Variants in CACNA1C observed in about 807,000 individuals in gnomAD.
CACNA1C encodes the protein voltage-dependent L-type calcium channel subunit alpha-1C.
In CACNA1C, 30 loss-of-function variants were observed where a neutral mutation model predicts 229.0. The ratio of observed to expected loss-of-function variants is 0.13; its 90% confidence interval spans 0.10 to 0.18. The LOEUF is 0.18. Among genes scored for constraint, CACNA1C ranks in the 10% least tolerant of loss-of-function variants. The pLI, the probability that CACNA1C is intolerant of heterozygous loss-of-function variation, is 1.00. For synonymous variants in CACNA1C, 1,114 were observed against 1,132.5 expected, an observed-to-expected ratio of 0.98 and a Z score of 0.33; for missense variants, 1,658 against 2,845.0, an observed-to-expected ratio of 0.58 and a Z score of 9.49.
At chr12:2,206,066 G>A (rs1275735501) in intron 3 of CACNA1C, among the ~76,000 whole-genome samples, 4 of 152,162 alleles carry the variant, frequency 2.6e-5, no homozygotes, top group African/African-American at 9.7e-5. Flanking sequence ...TACATGGACT[G>A]TGCAGTGGGA....
chr12:2,223,444 T>C (rs959535546), intron 3 of CACNA1C: 2 of 152,134 alleles, frequency 1.3e-5, no homozygotes, highest in African/African-American at 4.8e-5. Flanking sequence ...TGCCTTCTGA[T>C]CCTAAGAAGA....
Position 2,689,458 on chromosome 12 carries a change from C to T in CACNA1C, c.6117+679C>T, listed in dbSNP as rs140216424. 2.7e-3 allele frequency among the ~76,000 whole-genome samples: 413 copies of T among 152,076 alleles called. 3 individuals carry two copies. The highest frequency in any genetic ancestry group is 9.6e-3 in the African/African-American group (399 of 41,464). On this transcript the variant is annotated intron_variant, in intron 46 of 46. Coordinates refer to ENST00000399655, the MANE Select transcript of CACNA1C (RefSeq NM_000719.7). The surrounding 1 kb of genome is among the most constrained non-coding windows in gnomAD (Gnocchi z 4.2). ...TGCGATACACCTCTCACACCTGCAACGGGTGGGATGGGGAAAGGGTGGCAG... is the reference window on the plus strand; with the variant it reads ...TGCGATACACCTCTCACACCTGCAATGGGTGGGATGGGGAAAGGGTGGCAG...
rs1360626265 is a variant in CACNA1C, at chr12:2,285,032, G to A, written c.478-163944G>A. On this transcript the variant is annotated intron_variant, in intron 3 of 46. Transcript: ENST00000399655. The surrounding 1 kb of genome is among the most constrained non-coding windows in gnomAD (Gnocchi z 4.2). The stretch of plus-strand genomic sequence containing the variant: ...GGGGTAGGGCCGTTCTGCAGATCCT[G>A]GGTTGGCTTCCAGTGGTGCCTGGCA... Among the ~76,000 whole-genome samples the A allele has an allele frequency of 6.6e-6, 1 of 152,170 alleles. No individual in the cohort carries two copies. The highest frequency in any genetic ancestry group is 1.5e-5 in the Non-Finnish European group (1 of 68,016).
intron 29 of CACNA1C, chr12:2,614,801 G>A (rs1314839286): frequency 6.6e-6 from 1 of 152,286 alleles, no homozygotes; most frequent in East Asian, 1.9e-4. Context: ...TGGTCCATCA[G>A]CCGGTCAACT....
chr12:2,035,028 G>C (rs987234762), intron 1 of CACNA1C, among the ~76,000 whole-genome samples: 3 of 152,230 alleles, frequency 2.0e-5, no homozygotes, highest in Non-Finnish European at 4.4e-5. Context: ...CGCCGGTTCA[G>C]AGCCGCAACC....
intron 9 of CACNA1C, among the ~76,000 whole-genome samples, chr12:2,549,455 A>G (rs903126157): frequency 5.3e-5 from 8 of 152,234 alleles, no homozygotes; most frequent in Non-Finnish European, 8.8e-5. Flanking sequence ...CCAGCAGCTC[A>G]TCAAGGTAGC....
rs375072638 is a variant in CACNA1C, at chr12:2,486,675, G to A, written c.916+413G>A. Among the ~76,000 whole-genome samples the A allele has an allele frequency of 2.0e-5, 3 of 152,164 alleles. No homozygotes were observed. The highest frequency in any genetic ancestry group is 4.4e-5 in the Non-Finnish European group (3 of 68,034). On this transcript the variant is annotated intron_variant, in intron 6 of 46. Coordinates refer to ENST00000399655, the MANE Select transcript of CACNA1C (RefSeq NM_000719.7). The surrounding 1 kb of genome is among the most constrained non-coding windows in gnomAD (Gnocchi z 4.9). ...CCATTGGGAGCCCTTTCACGGGGCC[G>A]CTTAGCCCTGAGCAACAGGTTCTCC... is the stretch of plus-strand genomic sequence containing the variant.
At position 2,549,974 on chromosome 12, in the gene CACNA1C, C is replaced by T; in HGVS notation, c.1422C>T (p.Val474=). 6.2e-7 allele frequency: 1 copy of T among 1,607,976 alleles called. No homozygotes were observed. The highest frequency in any genetic ancestry group is 8.5e-7 in the Non-Finnish European group (1 of 1,177,234). The change falls in exon 10 of 47, where the codon GTC becomes GTT. Residue 474 remains valine, a synonymous_variant. Transcript: ENST00000399655. ...TGCCCACCAGTGAGACCGAGTCCGTCAACACCGAAAACGTGGCTGGAGGTG... is the reference window on the plus strand; with the variant it reads ...TGCCCACCAGTGAGACCGAGTCCGTTAACACCGAAAACGTGGCTGGAGGTG... ...MSMPTSETES[V]NTENVAGGDI...
At chr12:2,257,830 A>G (rs1045022979) in intron 3 of CACNA1C, among the ~76,000 whole-genome samples, 3 of 152,220 alleles carry the variant, frequency 2.0e-5, no homozygotes, top group Non-Finnish European at 2.9e-5. Flanking sequence ...TTGAAATGGT[A>G]TATTCTTTAT....
chr12:2,144,728 T>C (rs2094558919), intron 3 of CACNA1C, among the ~76,000 whole-genome samples: 1 of 151,470 alleles, frequency 6.6e-6, no homozygotes, highest in Non-Finnish European at 1.5e-5. Flanking sequence ...AGATGACATT[T>C]GTCTTAAATT....
chr12:2,079,088 A>G (rs921315771), intron 1 of CACNA1C, among the ~76,000 whole-genome samples: 4 of 136,778 alleles, frequency 2.9e-5, no homozygotes, highest in African/African-American at 1.1e-4. Flanking sequence ...ATGAGAACAC[A>G]TGGACACAAG....
At chr12:2,418,201 C>G (rs34992881) in intron 3 of CACNA1C, among the ~76,000 whole-genome samples, 58,314 of 152,030 alleles carry the variant, frequency 0.38, 11,500 homozygotes, top group Middle Eastern at 0.41. Flanking sequence ...TCCTGGGCTG[C>G]GGGTGGCCTT....
At position 2,677,277 on chromosome 12, in the gene CACNA1C, C is replaced by T; in HGVS notation, c.4956+56C>T. The T allele has an allele frequency of 6.3e-7, 1 of 1,585,594 alleles. No individual in the cohort carries two copies. The highest frequency in any genetic ancestry group is 2.3e-5 in the East Asian group (1 of 44,334). On this transcript the variant is annotated intron_variant, in intron 40 of 46. Coordinates refer to ENST00000399655, the MANE Select transcript of CACNA1C (RefSeq NM_000719.7). The surrounding 1 kb of genome is among the most constrained non-coding windows in gnomAD (Gnocchi z 7.4). ...GGAAGGTCCTGGTCATTGCCTCTGA[C>T]CTCCAGTCAGGGTCCCGGTCCCTCC...
intron 3 of CACNA1C, among the ~76,000 whole-genome samples, chr12:2,353,486 A>G (rs951945644): frequency 6.6e-6 from 1 of 152,232 alleles, no homozygotes; most frequent in Non-Finnish European, 1.5e-5. Context: ...AAGAGCACTT[A>G]GTTTGCCTCT....
intron 3 of CACNA1C, among the ~76,000 whole-genome samples, chr12:2,357,090 C>T (rs1288871133): frequency 1.3e-5 from 2 of 152,232 alleles, no homozygotes; most frequent in Non-Finnish European, 2.9e-5. Flanking sequence ...GCGCAGTCAT[C>T]TCTGGGCTTT....
intron 9 of CACNA1C, among the ~76,000 whole-genome samples, chr12:2,537,725 A>G (rs1199166912): frequency 6.6e-6 from 1 of 152,238 alleles, no homozygotes. Flanking sequence ...AAAGACCACC[A>G]CACTCCATGT....
Position 2,348,863 on chromosome 12 carries a change from G to A in CACNA1C, c.478-100113G>A, listed in dbSNP as rs1012479602. ...CCGTCATGTCAGCATTCAGAGCCCG[G>A]CAGGAAAAAGCCTCCTTCAAAGTGA... is the stretch of plus-strand genomic sequence containing the variant. On this transcript the variant is annotated intron_variant, in intron 3 of 46. Coordinates refer to ENST00000399655, the MANE Select transcript of CACNA1C (RefSeq NM_000719.7). This position sits in a 1 kb window ranked among gnomAD's most constrained non-coding sequence, Gnocchi z 4.7. Among the ~76,000 whole-genome samples the A allele has an allele frequency of 1.3e-5, 2 of 152,104 alleles. No homozygotes were observed. Among genetic ancestry groups the A allele is most frequent in the African/African-American group, 4.8e-5 (2 of 41,412 alleles).
intron 9 of CACNA1C, among the ~76,000 whole-genome samples, chr12:2,532,957 A>G (rs1051324076): frequency 7.2e-5 from 11 of 152,310 alleles, no homozygotes; most frequent in African/African-American, 1.7e-4. Context: ...TCTGGATTTC[A>G]AAAACCATTT....
Position 2,053,716 on chromosome 12 carries a change from C to T in CACNA1C, c.49+105C>T, listed in dbSNP as rs1248350638. The T allele has an allele frequency of 7.1e-6, 8 of 1,124,772 alleles. No homozygotes were observed. Among genetic ancestry groups the T allele is most frequent in the Non-Finnish European group, 8.9e-6 (8 of 896,514 alleles). 69.7% of individuals were successfully genotyped at this position (1,124,772 alleles called of 1,614,324 possible). A position where few individuals can be genotyped will look rare whatever the true frequency, so the allele number is the denominator to read the frequency against. On this transcript the variant is annotated intron_variant, in intron 1 of 46. Transcript: ENST00000399655. The surrounding 1 kb of genome is among the most constrained non-coding windows in gnomAD (Gnocchi z 5.8). ...CCCGGGGCCGGTCCCTGCGGAGTGG[C>T]CCGGGGCCGCGTCCGCGAGGGGCGC...
Sources: gnomAD v4.1 joint callset for allele counts (sites outside exome capture counted in the v4.1 genomes callset) on GRCh38, gnomAD v4.1.1 for gene constraint, Gnocchi (gnomAD v3.1) non-coding constraint, MANE v1.5 for transcripts, NCBI Gene and HGNC (gene_info 2026-07-23, HGNC 2026-07-21) for gene names.